AFF2: variants seen among roughly 807,000 people sequenced by gnomAD.
AFF2 encodes the protein ALF transcription elongation factor 2.
AFF2 carries 14 observed loss-of-function variants against 76.9 expected under a neutral mutation model. The observed-to-expected ratio is 0.18, with a 90% CI of 0.12 to 0.28. The LOEUF (loss-of-function observed/expected upper bound fraction) is 0.28, where lower values mean the gene tolerates loss of function less well. Ranked by LOEUF, AFF2 falls within the 10% of genes least tolerant of loss-of-function variation. AFF2 has a pLI of 1.00. For synonymous variants in AFF2, 398 were observed against 366.7 expected, an observed-to-expected ratio of 1.09 and a Z score of -0.98; for missense variants, 868 against 1,001.1, an observed-to-expected ratio of 0.87 and a Z score of 1.79.
In AFF2 at chrX:148,721,753, C is replaced by T. The variant is rs782548348; in HGVS notation, c.1041+58985C>T. On this transcript the variant is annotated intron_variant, in intron 3 of 20. Coordinates refer to ENST00000370460, the MANE Select transcript of AFF2 (RefSeq NM_002025.4). ...CATAGTTCTGGAGACTAGAAGACTG[C>T]GGTGATGGCAGGGCCATGGTCCATT... is the stretch of plus-strand genomic sequence containing the variant. Among the ~76,000 whole-genome samples, 8 of 112,278 alleles carry T rather than the reference C, an allele frequency of 7.1e-5. No individual in the cohort carries two copies. In the East Asian group the frequency reaches 1.4e-3, roughly 20 times the overall value.
chrX:148,634,043 C>A (rs1303410501), intron 1 of AFF2, among the ~76,000 whole-genome samples: 1 of 111,701 alleles, frequency 9.0e-6, no homozygotes, highest in Admixed American at 9.4e-5. Context: ...CAGTCAACTT[C>A]CTTTTCGTGT....
At chrX:148,977,899 A>C (rs1569557915) in intron 16 of AFF2, 34 bp from the exon 17 acceptor site, 1 of 1,056,469 alleles carries the variant, frequency 9.5e-7, no homozygotes, top group Non-Finnish European at 1.3e-6. Context: ...AGGGTAATAC[A>C]GATTCCACTT....
intron 8 of AFF2, among the ~76,000 whole-genome samples, chrX:148,895,451 C>G (rs2071272121): frequency 9.0e-6 from 1 of 111,480 alleles, no homozygotes; most frequent in Admixed American, 9.5e-5. Context: ...TAAACACACA[C>G]ATATAAATGA....
intron 1 of AFF2, among the ~76,000 whole-genome samples, chrX:148,616,282 A>T (rs782195114): frequency 8.9e-6 from 1 of 111,786 alleles, no homozygotes; most frequent in East Asian, 2.9e-4. Context: ...AAGTCATTGA[A>T]CTTCTCTTTG....
At chrX:148,941,592 C>A (rs952343200) in intron 9 of AFF2, among the ~76,000 whole-genome samples, 2 of 111,880 alleles carry the variant, frequency 1.8e-5, no homozygotes, top group Middle Eastern at 4.6e-3. Context: ...GTACACTCTG[C>A]GACCCATCAA....
intron 9 of AFF2, among the ~76,000 whole-genome samples, chrX:148,927,348 A>G (rs1382173447): frequency 9.0e-6 from 1 of 111,453 alleles, no homozygotes; most frequent in Non-Finnish European, 1.9e-5. Flanking sequence ...AACAAATAAC[A>G]CTTTTACTGT....
intron 19 of AFF2, among the ~76,000 whole-genome samples, 188 bp from the exon 20 acceptor site, chrX:148,987,179 T>C (rs782141707): frequency 9.0e-6 from 1 of 111,712 alleles, no homozygotes; most frequent in South Asian, 3.8e-4. Flanking sequence ...GTAGCTGTAC[T>C]GTGAGAAGAG....
chrX:148,864,338 T>C (rs2070882921), intron 7 of AFF2, among the ~76,000 whole-genome samples: 1 of 112,201 alleles, frequency 8.9e-6, no homozygotes. Flanking sequence ...GTTTTAGCAA[T>C]GGATAACTAG....
intron 3 of AFF2, among the ~76,000 whole-genome samples, chrX:148,748,955 G>A (rs1366052035): frequency 9.0e-6 from 1 of 111,614 alleles, no homozygotes; most frequent in Admixed American, 9.5e-5. Flanking sequence ...ATTTTTAATG[G>A]TAGATCTTTA....
intron 3 of AFF2, among the ~76,000 whole-genome samples, chrX:148,746,952 T>C (rs1042329563): frequency 8.9e-6 from 1 of 112,492 alleles, no homozygotes; most frequent in Non-Finnish European, 1.9e-5. Context: ...GTCATTGACA[T>C]AGTGGCAGAG....
chrX:148,747,809 C>T (rs1399925466), intron 3 of AFF2, among the ~76,000 whole-genome samples: 7 of 111,442 alleles, frequency 6.3e-5, no homozygotes, highest in Admixed American at 2.9e-4. Flanking sequence ...TCTTCAGTAA[C>T]GGGCTGAAAA....
At chrX:148,862,846 A>G (rs1488005527) in intron 7 of AFF2, among the ~76,000 whole-genome samples, 3 of 112,257 alleles carry the variant, frequency 2.7e-5, no homozygotes, top group African/African-American at 9.7e-5. Flanking sequence ...TATAATTTTC[A>G]TTATTTCTTA....
chrX:148,605,031 G>A (rs1482037578), intron 1 of AFF2, among the ~76,000 whole-genome samples: 1 of 111,697 alleles, frequency 9.0e-6, no homozygotes, highest in Non-Finnish European at 1.9e-5. Flanking sequence ...ACATGAAGTT[G>A]AAAACCTAGA....
intron 16 of AFF2, among the ~76,000 whole-genome samples, chrX:148,974,034 A>C (rs1178088531): frequency 8.9e-6 from 1 of 111,760 alleles, no homozygotes; most frequent in East Asian, 2.8e-4. Context: ...CACTGTTCCA[A>C]CTCAGAGTTG....
chrX:148,681,067 T>C (rs1557259890), intron 3 of AFF2, among the ~76,000 whole-genome samples: 1 of 111,895 alleles, frequency 8.9e-6, no homozygotes, highest in Admixed American at 9.5e-5. Flanking sequence ...GAAAACTTGC[T>C]TTGGAAAGGG....
rs2064674112 is a variant in AFF2 at position 148,623,386 on chromosome X, T to C, written c.48-28613T>C. 2.7e-5 allele frequency among the ~76,000 whole-genome samples: 3 copies of C among 110,775 alleles called. No individual in the cohort carries two copies. In the South Asian group the frequency reaches 1.1e-3, roughly 42 times the overall value. On this transcript the variant is annotated intron_variant, in intron 1 of 20. Coordinates refer to ENST00000370460, the MANE Select transcript of AFF2 (RefSeq NM_002025.4). ...TCTTTTTAAGATCTGTGTGAATTGG[T>C]GTGCCTTAAAAAAGTGAAATGATGT...
intron 3 of AFF2, among the ~76,000 whole-genome samples, chrX:148,683,507 C>A (rs906910208): frequency 1.8e-5 from 2 of 112,029 alleles, no homozygotes; most frequent in Admixed American, 1.9e-4. Context: ...TCCTATGCTA[C>A]CCTGCTTTCT....
intron 8 of AFF2, among the ~76,000 whole-genome samples, chrX:148,902,207 G>A (rs781951050): frequency 9.0e-6 from 1 of 111,639 alleles, no homozygotes; most frequent in African/African-American, 3.3e-5. Context: ...CGAATCAAAG[G>A]GAGGATAAGC....
intron 1 of AFF2, among the ~76,000 whole-genome samples, chrX:148,648,706 C>T (rs5980562): frequency 0.29 from 31,952 of 109,475 alleles, 4,318 homozygotes; most frequent in African/African-American, 0.53. Context: ...AGTCAGCTAG[C>T]GTGGATATCA....
Sources: gnomAD v4.1 joint callset for allele counts (sites outside exome capture counted in the v4.1 genomes callset) on GRCh38, gnomAD v4.1.1 for gene constraint, MANE v1.5 for transcripts, NCBI Gene and HGNC (gene_info 2026-07-23, HGNC 2026-07-21) for gene names.